The following ODAD4 variants were observed in gnomAD, a reference collection of about 807,000 sequenced individuals.
ODAD4 encodes the protein outer dynein arm-docking complex subunit 4.
In ODAD4, 49 loss-of-function variants were observed where a neutral mutation model predicts 51.8. The ratio of observed to expected loss-of-function variants is 0.95; its 90% CI spans 0.75 to 1.20. ODAD4 has a LOEUF of 1.20. Among genes scored for constraint, ODAD4 ranks in the 50% most tolerant of loss-of-function variants. The probability of loss-of-function intolerance (pLI) is 0.00; values close to 1 mark genes in which losing one functional copy is unlikely to be tolerated. For synonymous variants in ODAD4, 235 were observed against 221.3 expected, an observed-to-expected ratio of 1.06 and a Z score of -0.55; for missense variants, 590 against 586.5, an observed-to-expected ratio of 1.01 and a Z score of -0.06.
At chr17:41,934,923 A>G (rs2050402759) in intron 1 of ODAD4, among the ~76,000 whole-genome samples, 1 of 152,232 alleles carries the variant, frequency 6.6e-6, no homozygotes, top group South Asian at 2.1e-4. Context: ...GCGTATCCAC[A>G]GAGCAGCATA....
intron 9 of ODAD4, among the ~76,000 whole-genome samples, chr17:41,953,694 G>A (rs1185857065): frequency 6.6e-6 from 1 of 151,662 alleles, no homozygotes; most frequent in Non-Finnish European, 1.5e-5. Context: ...GAGAGACAGG[G>A]TCTCACTCTG....
At chr17:41,935,469 A>G in intron 2 of ODAD4, 121 bp downstream of exon 2, 1 of 1,510,120 alleles carries the variant, frequency 6.6e-7, no homozygotes, top group Non-Finnish European at 8.9e-7. Context: ...TTCTCTTCCT[A>G]GGTCATTGCC....
intron 10 of ODAD4, among the ~76,000 whole-genome samples, chr17:41,959,178 C>T (rs1489814785): frequency 6.6e-6 from 1 of 152,180 alleles, no homozygotes; most frequent in African/African-American, 2.4e-5. Flanking sequence ...CCCCACCCCA[C>T]CCACTCCCAG....
intron 1 of ODAD4, among the ~76,000 whole-genome samples, chr17:41,931,743 T>C (rs1378680808): frequency 6.6e-6 from 1 of 152,104 alleles, no homozygotes; most frequent in African/African-American, 2.4e-5. Context: ...GGTTTCACCA[T>C]GTTGGCCAGG....
At chr17:41,954,292 T>C (rs1483426249) in intron 9 of ODAD4, among the ~76,000 whole-genome samples, 4 of 151,886 alleles carry the variant, frequency 2.6e-5, no homozygotes, top group Non-Finnish European at 5.9e-5. Flanking sequence ...CGGCCTGACA[T>C]ATGTATTTAA....
At chr17:41,964,949 G>A (rs891820225) in intron 11 of ODAD4, 44 bp from the exon 12 acceptor site, 13 of 664,878 alleles carry the variant, frequency 2.0e-5, no homozygotes, top group Non-Finnish European at 3.3e-5. Context: ...GGCCTGACAT[G>A]AACAAACTTT....
At chr17:41,933,125 A>G (rs1555637204) in intron 1 of ODAD4, among the ~76,000 whole-genome samples, 1 of 152,160 alleles carries the variant, frequency 6.6e-6, no homozygotes, top group South Asian at 2.1e-4. Context: ...CTGCTGGATC[A>G]TGTCCCATCC....
chr17:41,958,812 C>T (rs2050767036), intron 10 of ODAD4, among the ~76,000 whole-genome samples: 1 of 151,700 alleles, frequency 6.6e-6, no homozygotes, highest in African/African-American at 2.4e-5. Flanking sequence ...ATCACGAGGT[C>T]AGGAGATTGA....
chr17:41,950,245 C>T (rs2050635451), intron 9 of ODAD4, among the ~76,000 whole-genome samples: 1 of 152,218 alleles, frequency 6.6e-6, no homozygotes, highest in African/African-American at 2.4e-5. Flanking sequence ...GCTGGGATTA[C>T]AGGCATGAGC....
chr17:41,952,906 T>A (rs2050678691), intron 9 of ODAD4, among the ~76,000 whole-genome samples: 1 of 148,610 alleles, frequency 6.7e-6, no homozygotes, highest in African/African-American at 2.5e-5. Flanking sequence ...GCCTGGCAAA[T>A]TTTTTTTTTG....
intron 7 of ODAD4, 63 bp from the exon 8 acceptor site, chr17:41,945,073 A>G: frequency 1.5e-6 from 2 of 1,361,442 alleles, no homozygotes; most frequent in Non-Finnish European, 2.1e-6. Flanking sequence ...CTTCTTTCCT[A>G]TTTCCACAGT....
chr17:41,958,919 C>G (rs564005029), intron 10 of ODAD4, among the ~76,000 whole-genome samples: 2 of 151,272 alleles, frequency 1.3e-5, no homozygotes, highest in South Asian at 4.2e-4. Context: ...GAGGCTGAAG[C>G]AGGAGAATTG....
In ODAD4 at chr17:41,938,800, G is replaced by A; in HGVS notation, c.850+19G>A. ...GATATGTGTAGGTGTTGTTCTCAGAGGGTGGGGCAGGTGCCTCCAGTGCCT... is the reference window on the plus strand; with the variant it reads ...GATATGTGTAGGTGTTGTTCTCAGAAGGTGGGGCAGGTGCCTCCAGTGCCT... On this transcript the variant is annotated intron_variant, in intron 6 of 11. Transcript: ENST00000377540. 1 of 1,610,084 alleles carries A rather than the reference G, an allele frequency of 6.2e-7. No homozygotes were observed. The highest frequency in any genetic ancestry group is 8.5e-7 in the Non-Finnish European group (1 of 1,178,114).
chr17:41,963,662 G>A (rs532985571), intron 11 of ODAD4, among the ~76,000 whole-genome samples: 211 of 149,768 alleles, frequency 1.4e-3, no homozygotes, highest in Non-Finnish European at 2.7e-3. Context: ...TTTTTGAAAC[G>A]GAGTCTTGTT....
chr17:41,955,402 C>T (rs1292777415), intron 10 of ODAD4, 85 bp downstream of exon 10: 20 of 673,760 alleles, frequency 3.0e-5, no homozygotes, highest in African/African-American at 3.6e-5. Context: ...CCTGCTTGGG[C>T]GCCATTCCAC....
intron 8 of ODAD4, among the ~76,000 whole-genome samples, chr17:41,947,092 C>T (rs1274153351): frequency 2.0e-5 from 3 of 151,476 alleles, no homozygotes; most frequent in African/African-American, 7.3e-5. Context: ...TCAGGTGATC[C>T]GCCCACCTCA....
intron 4 of ODAD4, 41 bp from the exon 5 acceptor site, chr17:41,936,721 T>C (rs781974816): frequency 1.2e-6 from 2 of 1,610,504 alleles, no homozygotes; most frequent in East Asian, 2.2e-5. Flanking sequence ...TACACTCTGC[T>C]CCTTGCTGAA....
chr17:41,934,148 T>C (rs2050392268), intron 1 of ODAD4, among the ~76,000 whole-genome samples: 1 of 147,596 alleles, frequency 6.8e-6, no homozygotes, highest in Non-Finnish European at 1.5e-5. Context: ...TTCAAGCGAT[T>C]TTCTTGCCTT....
At chr17:41,938,483 AC>A in intron 5 of ODAD4, 73 bp from the exon 6 acceptor site, 1 of 1,269,500 alleles carries the variant, frequency 7.9e-7, no homozygotes, top group Non-Finnish European at 1.1e-6. Context: ...TGCAGCGGCC[AC>A]CGGGAGGAAA....
Sources: allele counts gnomAD v4.1 joint callset (sites outside exome capture counted in the v4.1 genomes callset), GRCh38; gene constraint gnomAD v4.1.1; transcripts MANE v1.5; gene names NCBI Gene and HGNC (gene_info 2026-07-23, HGNC 2026-07-21).